Variants in PTPRK observed in about 807,000 individuals in gnomAD.
PTPRK encodes protein tyrosine phosphatase receptor type K.
A neutral mutation model predicts 178.0 loss-of-function variants in PTPRK; 75 were observed. The ratio of observed to expected loss-of-function variants is 0.42; its 90% CI spans 0.35 to 0.51. The LOEUF is 0.51. Ranked by LOEUF, PTPRK falls within the 20% of genes least tolerant of loss-of-function variation. The pLI, the probability that PTPRK is intolerant of heterozygous loss-of-function variation, is 0.02. For synonymous variants in PTPRK, 637 were observed against 620.6 expected (o/e 1.03, Z -0.39); for missense variants, 1,441 against 1,797.8 (o/e 0.80, Z 3.59).
At chr6:128,508,215 C>G (rs9482891) in intron 1 of PTPRK, among the ~76,000 whole-genome samples, 1,633 of 152,216 alleles carry the variant, frequency 0.011, 37 homozygotes, top group African/African-American at 0.038. Context: ...CCTTAATAGT[C>G]ATTAACATTA....
intron 2 of PTPRK, among the ~76,000 whole-genome samples, chr6:128,396,859 G>A (rs1354131666): frequency 6.6e-6 from 1 of 152,008 alleles, no homozygotes; most frequent in East Asian, 1.9e-4. Flanking sequence ...TTAGCTGGGC[G>A]TGGCAGTGCA....
At chr6:128,056,518 G>A (rs556675476) in intron 13 of PTPRK, among the ~76,000 whole-genome samples, 36 of 151,430 alleles carry the variant, frequency 2.4e-4, no homozygotes, top group South Asian at 1.9e-3. Flanking sequence ...TCCGCCTCCC[G>A]GGTTCAAGCT....
intron 7 of PTPRK, among the ~76,000 whole-genome samples, chr6:128,180,027 C>T (rs1480288819): frequency 3.3e-5 from 5 of 152,008 alleles, no homozygotes; most frequent in Non-Finnish European, 7.4e-5. Context: ...TTCCCAACTG[C>T]ATAAATGTAT....
At chr6:128,242,352 C>CA (rs1814623543) in intron 4 of PTPRK, among the ~76,000 whole-genome samples, 169 bp downstream of exon 4, 1 of 152,104 alleles carries the variant, frequency 6.6e-6, no homozygotes, top group Non-Finnish European at 1.5e-5. Flanking sequence ...ATATTTGATT[C>CA]AAAAACTCTA....
intron 13 of PTPRK, among the ~76,000 whole-genome samples, chr6:128,049,343 T>C (rs1778613751): frequency 6.6e-6 from 1 of 152,148 alleles, no homozygotes; most frequent in African/African-American, 2.4e-5. Flanking sequence ...CAGATTACAA[T>C]ACTTGCAATT....
rs549827940 is a variant in PTPRK at position 128,306,388 on chromosome 6, C to T, written c.495+15651G>A. Among the ~76,000 whole-genome samples, 11 of 152,206 alleles carry T rather than the reference C, an allele frequency of 7.2e-5. No homozygotes were observed. The East Asian group carries it at 2.1e-3, about 29-fold the overall frequency. ...AAATGCAAGATAATTTAAAGAGAAA[C>T]TAAGTTAGAAGACAGATGTTATAAA... On this transcript the variant is annotated intron_variant, in intron 3 of 29. Transcript: ENST00000368226.
intron 6 of PTPRK, among the ~76,000 whole-genome samples, chr6:128,197,268 T>C (rs1287428134): frequency 1.3e-5 from 2 of 151,092 alleles, no homozygotes; most frequent in Non-Finnish European, 2.9e-5. Context: ...TAGGTATACA[T>C]GTGCCACGGT....
At chr6:128,199,716 A>T (rs1306264414) in intron 6 of PTPRK, among the ~76,000 whole-genome samples, 1 of 152,162 alleles carries the variant, frequency 6.6e-6, no homozygotes, top group Non-Finnish European at 1.5e-5. Flanking sequence ...TCATCCTGAG[A>T]TTTAACATTT....
intron 1 of PTPRK, among the ~76,000 whole-genome samples, chr6:128,485,666 G>A (rs527408552): frequency 3.9e-5 from 6 of 152,288 alleles, no homozygotes; most frequent in South Asian, 2.1e-4. Context: ...ATGGAAGAGC[G>A]ATGGAGTAGC....
In PTPRK at chr6:128,322,151, C is replaced by T; in HGVS notation, c.383G>A (p.Arg128Lys). The change falls in exon 3 of 30, where the codon AGG (arginine) becomes AAG (lysine). Residue 128 changes from arginine (R) to lysine (K), a missense_variant. Around this residue, in one of 4 missense-constraint regions of PTPRK, gnomAD observed 158 missense variants for 188.0 expected, o/e 0.84. Transcript: ENST00000368226. ...ATTGGCAAGAGGTCCTTTATTCACC[C>T]TAACTAATATGTTCAAAGTGCCAGG... ...LNPGTLNILV[R>K]VNKGPLANPI... 1 of 1,613,866 alleles carries T rather than the reference C, an allele frequency of 6.2e-7. No homozygotes were observed. Among genetic ancestry groups the T allele is most frequent in the Non-Finnish European group, 8.5e-7 (1 of 1,179,864 alleles).
At chr6:128,481,134 GA>G (rs77597336) in intron 1 of PTPRK, among the ~76,000 whole-genome samples, 56 of 141,436 alleles carry the variant, frequency 4.0e-4, no homozygotes, top group East Asian at 8.2e-4. Context: ...AGAGAGAGAG[GA>G]AAAAAAAAAA....
At chr6:128,129,063 C>T (rs1477809535) in intron 7 of PTPRK, among the ~76,000 whole-genome samples, 2 of 152,168 alleles carry the variant, frequency 1.3e-5, no homozygotes, top group African/African-American at 2.4e-5. Flanking sequence ...ATGTGAACCA[C>T]GATTTGTACA....
chr6:127,985,997 C>A, intron 21 of PTPRK, 122 bp from the exon 22 acceptor site: 2 of 916,530 alleles, frequency 2.2e-6, no homozygotes, highest in Non-Finnish European at 1.5e-6. Flanking sequence ...TTACGAAAGA[C>A]TATGCCTTTT....
chr6:127,975,167 A>G (rs1328741080), intron 27 of PTPRK, among the ~76,000 whole-genome samples: 1 of 152,216 alleles, frequency 6.6e-6, no homozygotes, highest in African/African-American at 2.4e-5. Flanking sequence ...AAATAAATAA[A>G]TATGCTGACA....
chr6:128,344,169 A>G lies in PTPRK; in HGVS notation c.224-21859T>C, dbSNP rs567049428. Among the ~76,000 whole-genome samples, 6 of 152,288 alleles carry G rather than the reference A, an allele frequency of 3.9e-5. No individual in the cohort carries two copies. In the South Asian group the frequency reaches 1.2e-3, roughly 32 times the overall value. On this transcript the variant is annotated intron_variant, in intron 2 of 29. Transcript: ENST00000368226. The stretch of plus-strand genomic sequence containing the variant: ...TGGTCTTCTCACCCAAAACGAAGCT[A>G]AACTTCCTCACATGGATTCTCTATT...
chr6:128,271,299 C>G (rs979981807), intron 3 of PTPRK, among the ~76,000 whole-genome samples: 19 of 152,072 alleles, frequency 1.2e-4, no homozygotes, highest in African/African-American at 4.6e-4. Flanking sequence ...AGAGTCAGAG[C>G]AGTGATTACT....
At chr6:127,973,181 A>G in intron 28 of PTPRK, 24 bp from the exon 29 acceptor site, 1 of 1,613,446 alleles carries the variant, frequency 6.2e-7, no homozygotes, top group Non-Finnish European at 8.5e-7. Flanking sequence ...AAGCAAAGGC[A>G]TTTTAGATAG....
intron 10 of PTPRK, 87 bp downstream of exon 10, chr6:128,082,350 C>A: frequency 8.0e-7 from 1 of 1,243,892 alleles, no homozygotes; most frequent in Non-Finnish European, 1.2e-6. Flanking sequence ...AGATGAACTA[C>A]ACTTGGTTTA....
At chr6:128,117,178 TAAAC>T (rs943721562) in intron 7 of PTPRK, among the ~76,000 whole-genome samples, 48 of 151,942 alleles carry the variant, frequency 3.2e-4, no homozygotes, top group African/African-American at 1.1e-3. Flanking sequence ...AAATAAAAAA[TAAAC>T]TAATTAATGG....
Sources: gnomAD v4.1 joint callset for allele counts (sites outside exome capture counted in the v4.1 genomes callset) on GRCh38, gnomAD v4.1.1 for gene constraint, gnomAD v4.1.1 regional missense constraint, MANE v1.5 for transcripts, NCBI Gene and HGNC (gene_info 2026-07-23, HGNC 2026-07-21) for gene names.